Variants in RTN1 observed in about 807,000 individuals in gnomAD.
RTN1 encodes the protein reticulon 1.
In RTN1, 25 loss-of-function variants were observed where a neutral mutation model predicts 65.5. The ratio of observed to expected loss-of-function variants is 0.38; its 90% CI spans 0.28 to 0.53. The LOEUF is 0.53. Ranked by LOEUF, RTN1 falls within the 20% of genes least tolerant of loss-of-function variation. The probability of loss-of-function intolerance (pLI) is 0.79; values close to 1 mark genes in which losing one functional copy is unlikely to be tolerated. For missense variants in RTN1, 983 were observed against 1,025.4 expected, an observed-to-expected ratio of 0.96 and a Z score of 0.57; for synonymous variants, 471 against 447.6, an observed-to-expected ratio of 1.05 and a Z score of -0.66.
At chr14:59,838,009 A>G (rs1887243481) in intron 1 of RTN1, among the ~76,000 whole-genome samples, 1 of 152,082 alleles carries the variant, frequency 6.6e-6, no homozygotes, top group African/African-American at 2.4e-5. Context: ...GGTATAATGC[A>G]TGATACTGAG....
chr14:59,693,304 T>C (rs1456841998), intron 3 of RTN1, among the ~76,000 whole-genome samples: 4 of 152,208 alleles, frequency 2.6e-5, no homozygotes, highest in Non-Finnish European at 4.4e-5. Context: ...AAGCAGACAT[T>C]TCTATGTTCA....
rs1228375354 is a variant in RTN1 at position 59,727,788 on chromosome 14, AAC to A, written c.1016-122_1016-121del. The A allele has an allele frequency of 2.2e-5, 29 of 1,333,130 alleles. No individual in the cohort carries two copies. The highest frequency in any genetic ancestry group is 2.7e-5 in the Non-Finnish European group (27 of 1,006,372). 82.6% of individuals were successfully genotyped at this position (1,333,130 alleles called of 1,614,324 possible). ...CGAGATGTTTTGTCGTTGCTTGAGA[AAC>A]ACATATCTCATTAGCACAAAAATAA... On this transcript the variant is annotated intron_variant, in intron 2 of 8. Coordinates refer to ENST00000267484, the MANE Select transcript of RTN1 (RefSeq NM_021136.3). The surrounding 1 kb of genome is among the most constrained non-coding windows in gnomAD (Gnocchi z 4.2).
intron 1 of RTN1, among the ~76,000 whole-genome samples, chr14:59,747,812 TAC>T (rs1048866512): frequency 6.6e-6 from 1 of 151,892 alleles, no homozygotes; most frequent in African/African-American, 2.4e-5. Flanking sequence ...ACAAACACAT[TAC>T]ACACACACAT....
At chr14:59,730,841 C>G (rs1884881851) in intron 2 of RTN1, among the ~76,000 whole-genome samples, 1 of 152,028 alleles carries the variant, frequency 6.6e-6, no homozygotes, top group Admixed American at 6.6e-5. Flanking sequence ...AATCAAAAAG[C>G]CAGATAAAAA....
chr14:59,837,046 A>ATATATATATATATATATATATATATAT (rs869290068), intron 1 of RTN1, among the ~76,000 whole-genome samples: 3 of 83,450 alleles, frequency 3.6e-5, no homozygotes, highest in African/African-American at 1.4e-4. Context: ...TATATATATA[A>ATATATATATATATATATATATATATAT]AAGGAGAAAT....
intron 1 of RTN1, among the ~76,000 whole-genome samples, chr14:59,867,670 C>T (rs1030635962): frequency 1.2e-4 from 19 of 152,082 alleles, no homozygotes; most frequent in African/African-American, 4.3e-4. Flanking sequence ...AATATCTGTC[C>T]AGATGGCATG....
chr14:59,654,390 C>T (rs1439363870), intron 3 of RTN1, among the ~76,000 whole-genome samples: 3 of 146,204 alleles, frequency 2.1e-5, no homozygotes, highest in Non-Finnish European at 3.0e-5. Flanking sequence ...GATTGTGCCA[C>T]GGCACTCCAG....
chr14:59,679,137 C>T (rs753249769), intron 3 of RTN1, among the ~76,000 whole-genome samples: 5 of 152,066 alleles, frequency 3.3e-5, no homozygotes, highest in Non-Finnish European at 7.4e-5. Context: ...CAAGATAATC[C>T]CTAACTTGAC....
intron 3 of RTN1, among the ~76,000 whole-genome samples, chr14:59,615,113 C>CTAA (rs1170981115): frequency 6.6e-6 from 1 of 152,100 alleles, no homozygotes; most frequent in Non-Finnish European, 1.5e-5. Flanking sequence ...AACCAGTTGG[C>CTAA]TAATATTTAA....
Position 59,727,736 on chromosome 14 carries a change from G to C in RTN1, c.1016-68C>G. 6.7e-7 allele frequency: 1 copy of C among 1,496,042 alleles called. No homozygotes were observed. Among genetic ancestry groups the C allele is most frequent in the South Asian group, 1.4e-5 (1 of 73,648 alleles). The allele number at this position is 1,496,042 out of a possible 1,614,324, so 92.7% of individuals were successfully genotyped here. On this transcript the variant is annotated intron_variant, in intron 2 of 8. Coordinates refer to ENST00000267484, the MANE Select transcript of RTN1 (RefSeq NM_021136.3). The surrounding 1 kb of genome is among the most constrained non-coding windows in gnomAD (Gnocchi z 4.2). ...ACGGACAGACAGATGGACAGAGAGA[G>C]GAGGGATAAAACAAAATTCCATTAG...
intron 1 of RTN1, among the ~76,000 whole-genome samples, chr14:59,864,996 C>A (rs923218224): frequency 6.6e-6 from 1 of 152,056 alleles, no homozygotes; most frequent in Non-Finnish European, 1.5e-5. Flanking sequence ...CTTTCTATAT[C>A]TTTATGTCAG....
At position 59,868,584 on chromosome 14, in the gene RTN1, T is replaced by C. The variant is rs181397311; in HGVS notation, c.241+1806A>G. Among the ~76,000 whole-genome samples, 1 of 152,336 alleles carries C rather than the reference T, an allele frequency of 6.6e-6. No individual in the cohort carries two copies. The highest frequency in any genetic ancestry group is 1.5e-5 in the Non-Finnish European group (1 of 68,020). ...CACAAAAAAAAAGTACATGAGATGA[T>C]GGATTTGTTAGCTAATCATTTGACA... On this transcript the variant is annotated intron_variant, in intron 1 of 8. Coordinates refer to ENST00000267484, the MANE Select transcript of RTN1 (RefSeq NM_021136.3). The surrounding 1 kb of genome is among the most constrained non-coding windows in gnomAD (Gnocchi z 4.0).
chr14:59,638,161 A>AT (rs34935626), intron 3 of RTN1, among the ~76,000 whole-genome samples: 121,669 of 152,092 alleles, frequency 0.8, 48,782 homozygotes, highest in Admixed American at 0.86. Flanking sequence ...CACAAAATGT[A>AT]TTTTAAATAT....
chr14:59,807,309 C>T lies in RTN1; in HGVS notation c.242-60828G>A, dbSNP rs181427938. 4.6e-5 allele frequency among the ~76,000 whole-genome samples: 7 copies of T among 152,208 alleles called. No individual in the cohort carries two copies. In the East Asian group the frequency reaches 1.2e-3, roughly 25 times the overall value. On this transcript the variant is annotated intron_variant, in intron 1 of 8. Transcript: ENST00000267484. ...TCGAATTAGATGCAATTCTATAGGT[C>T]GGTCTAGAACTGCTAGAAGACTTCA...
chr14:59,656,951 A>T (rs1883133563), intron 3 of RTN1, among the ~76,000 whole-genome samples: 10 of 151,914 alleles, frequency 6.6e-5, no homozygotes, highest in Admixed American at 6.6e-4. Context: ...TATCAAGTGG[A>T]TGACTCACAG....
At chr14:59,808,136 C>A (rs545402821) in intron 1 of RTN1, among the ~76,000 whole-genome samples, 1 of 152,298 alleles carries the variant, frequency 6.6e-6, no homozygotes, top group East Asian at 1.9e-4. Context: ...TAACTGCTTA[C>A]CTTATTGTTC....
Position 59,656,660 on chromosome 14 carries a change from G to A in RTN1, c.1766-49168C>T, listed in dbSNP as rs199837224. Among the ~76,000 whole-genome samples the A allele has an allele frequency of 2.1e-4, 32 of 152,244 alleles. No individual in the cohort carries two copies. In the East Asian group the frequency reaches 2.7e-3, roughly 13 times the overall value. On this transcript the variant is annotated intron_variant, in intron 3 of 8. Transcript: ENST00000267484. ...TGATCACAGTACAACTCCTTAGCTC[G>A]GGCCATGATTCCTCTCTGGAACTCC...
chr14:59,734,344 G>A (rs535131719), intron 2 of RTN1, among the ~76,000 whole-genome samples: 5 of 152,250 alleles, frequency 3.3e-5, no homozygotes, highest in African/African-American at 9.6e-5. Context: ...AAATGACTGC[G>A]AACCTTCCCA....
rs771928598 is a variant in RTN1, at chr14:59,746,269, C to A, written c.454G>T (p.Asp152Tyr). Residue 152 changes from aspartate (D) to tyrosine (Y), a missense_variant, in exon 2 of 9, where the codon GAT becomes TAT. By Grantham distance (160) the Asp-to-Tyr change is radical. Around this residue, in one of 2 missense-constraint regions of RTN1, gnomAD observed 818 missense variants for 801.8 expected, o/e 1.02. Coordinates refer to ENST00000267484, the MANE Select transcript of RTN1 (RefSeq NM_021136.3). The part of the protein sequence containing the change: ...ELGTPGPSLP[D>Y]VPGIESRGLF... ...CCACGAGACTCTATCCCAGGCACATCTGGTAAGGAGGGGCCGGGTGTACCC... is the reference window on the plus strand; with the variant it reads ...CCACGAGACTCTATCCCAGGCACATATGGTAAGGAGGGGCCGGGTGTACCC... 6.2e-7 allele frequency: 1 copy of A among 1,613,094 alleles called. No individual in the cohort carries two copies. Among genetic ancestry groups the A allele is most frequent in the Admixed American group, 1.7e-5 (1 of 59,836 alleles).
Sources: allele counts gnomAD v4.1 joint callset (sites outside exome capture counted in the v4.1 genomes callset), GRCh38; gene constraint gnomAD v4.1.1; regional missense constraint gnomAD v4.1.1; non-coding constraint Gnocchi (gnomAD v3.1); transcripts MANE v1.5; gene names NCBI Gene and HGNC (gene_info 2026-07-23, HGNC 2026-07-21).